N4BP1: variants seen among roughly 807,000 people sequenced by gnomAD.
N4BP1 encodes the protein NEDD4-binding protein 1.
A neutral mutation model predicts 70.9 loss-of-function variants in N4BP1; 21 were observed. The ratio of observed to expected loss-of-function variants is 0.30; its 90% CI spans 0.21 to 0.43. The LOEUF is 0.43. Among genes scored for constraint, N4BP1 ranks in the 20% least tolerant of loss-of-function variants. The probability of loss-of-function intolerance (pLI) is 1.00; values close to 1 mark genes in which losing one functional copy is unlikely to be tolerated. For synonymous variants in N4BP1, 387 were observed against 394.6 expected (o/e 0.98, Z 0.23); for missense variants, 936 against 1,069.4 (o/e 0.88, Z 1.74).
chr16:48,581,445 GA>G (rs1243379404), intron 1 of N4BP1, among the ~76,000 whole-genome samples: 4 of 151,932 alleles, frequency 2.6e-5, no homozygotes, highest in Non-Finnish European at 5.9e-5. Flanking sequence ...ATCCACACTA[GA>G]AAGAAAAAAG....
chr16:48,607,454 G>A (rs1418474740), intron 1 of N4BP1, among the ~76,000 whole-genome samples: 4 of 152,206 alleles, frequency 2.6e-5, no homozygotes, highest in African/African-American at 9.6e-5. Flanking sequence ...CAGAGGAGGA[G>A]TTTAGGCTGA....
intron 2 of N4BP1, among the ~76,000 whole-genome samples, chr16:48,558,861 AGTATT>A (rs1465506415): frequency 6.6e-6 from 1 of 152,250 alleles, no homozygotes; most frequent in Non-Finnish European, 1.5e-5. Flanking sequence ...GACAATAAAC[AGTATT>A]ATTTGGAAAT....
intron 1 of N4BP1, among the ~76,000 whole-genome samples, chr16:48,589,988 C>CT (rs1964310229): frequency 6.6e-6 from 1 of 152,238 alleles, no homozygotes; most frequent in Non-Finnish European, 1.5e-5. Context: ...ACCAGTCTGC[C>CT]TTTGAAGGAC....
At chr16:48,583,742 A>AGGTAAC (rs1964204601) in intron 1 of N4BP1, among the ~76,000 whole-genome samples, 1 of 152,230 alleles carries the variant, frequency 6.6e-6, no homozygotes, top group Non-Finnish European at 1.5e-5. Flanking sequence ...CTGGTCCCTC[A>AGGTAAC]TTTATGAGTT....
chr16:48,588,986 T>C (rs949781439), intron 1 of N4BP1, among the ~76,000 whole-genome samples: 1 of 152,168 alleles, frequency 6.6e-6, no homozygotes, highest in African/African-American at 2.4e-5. Context: ...ATGTACATCC[T>C]AGGAGAATGT....
chr16:48,598,826 G>C (rs1013788193), intron 1 of N4BP1, among the ~76,000 whole-genome samples: 1 of 152,054 alleles, frequency 6.6e-6, no homozygotes, highest in Non-Finnish European at 1.5e-5. Flanking sequence ...CCTTGATATA[G>C]GAGTCCTATG....
intron 1 of N4BP1, among the ~76,000 whole-genome samples, chr16:48,598,022 C>T (rs1181717897): frequency 6.6e-6 from 1 of 152,154 alleles, no homozygotes; most frequent in African/African-American, 2.4e-5. Context: ...ATAAAAGGCT[C>T]CCCTGAGAAG....
At chr16:48,606,217 C>T (rs1209621417) in intron 1 of N4BP1, among the ~76,000 whole-genome samples, 1 of 152,050 alleles carries the variant, frequency 6.6e-6, no homozygotes, top group Non-Finnish European at 1.5e-5. Flanking sequence ...GGCTTAAAAC[C>T]GACCCCTAAA....
intron 1 of N4BP1, among the ~76,000 whole-genome samples, chr16:48,572,135 G>A (rs561424596): frequency 6.6e-6 from 1 of 152,264 alleles, no homozygotes; most frequent in South Asian, 2.1e-4. Flanking sequence ...GGAAGTCGAG[G>A]CTGCAGTGAG....
At position 48,609,825 on chromosome 16, in the gene N4BP1, G is replaced by C. The variant is rs1214898161; in HGVS notation, c.148C>G (p.Arg50Gly). ...GCCCCGCAGAGCTGCAGCCAGATGCGCGCGGGCAGCGGCTCCTCAGCCCCT... is the reference window on the plus strand; with the variant it reads ...GCCCCGCAGAGCTGCAGCCAGATGCCCGCGGGCAGCGGCTCCTCAGCCCCT... ...ALGAEEPLPA[R>G]IWLQLCGAQE... Residue 50 changes from arginine (R) to glycine (G), a missense_variant, in exon 1 of 7, where the codon CGC (arginine) becomes GGC (glycine). This residue lies in a region of N4BP1 where 187 missense variants were observed against 217.1 expected (regional missense o/e 0.86). Transcript: ENST00000262384. 6.7e-7 allele frequency: 1 copy of C among 1,486,554 alleles called. No homozygotes were observed. Among genetic ancestry groups the C allele is most frequent in the South Asian group, 1.3e-5 (1 of 79,908 alleles). 92.1% of individuals were successfully genotyped at this position (1,486,554 alleles called of 1,614,324 possible).
At chr16:48,603,573 C>T (rs1363703662) in intron 1 of N4BP1, 1 of 152,162 alleles carries the variant, frequency 6.6e-6, no homozygotes, top group African/African-American at 2.4e-5. Context: ...TTGGTGACCC[C>T]AGCATAGCAC....
At chr16:48,554,093 C>T (rs567761261) in intron 2 of N4BP1, among the ~76,000 whole-genome samples, 6 of 151,174 alleles carry the variant, frequency 4.0e-5, no homozygotes, top group Non-Finnish European at 5.9e-5. Context: ...ACGAGAAACA[C>T]GTTGAGGGCA....
chr16:48,577,899 G>A, intron 1 of N4BP1: 1 of 156,624 alleles, frequency 6.4e-6, no homozygotes. Flanking sequence ...TGTTCCCCCA[G>A]TAACCTCTGT....
chr16:48,592,127 G>C (rs1964348883), intron 1 of N4BP1, among the ~76,000 whole-genome samples: 1 of 152,088 alleles, frequency 6.6e-6, no homozygotes, highest in South Asian at 2.1e-4. Flanking sequence ...ATGGGGGATG[G>C]GCTAATTACA....
chr16:48,603,238 G>C (rs1964529984), intron 1 of N4BP1, among the ~76,000 whole-genome samples: 1 of 152,036 alleles, frequency 6.6e-6, no homozygotes, highest in South Asian at 2.1e-4. Flanking sequence ...AAATGGACTG[G>C]GTGGTAGCCT....
At position 48,545,407 on chromosome 16, in the gene N4BP1, T is replaced by TA. The variant is rs113024280; in HGVS notation, c.2333+739dup. On this transcript the variant is annotated intron_variant, in intron 6 of 6. Coordinates refer to ENST00000262384, the MANE Select transcript of N4BP1 (RefSeq NM_153029.4). ...TAACATGGCAAAATCCCGTTTCTGC[T>TA]AAAAAAAAAAAATACAAAAAATTAG... Among the ~76,000 whole-genome samples, 103 of 145,078 alleles carry TA rather than the reference T, an allele frequency of 7.1e-4. 1 individual carries two copies. The highest frequency in any genetic ancestry group is 3.5e-3 in the Middle Eastern group (1 of 282).
At chr16:48,594,001 C>CA (rs750355255) in intron 1 of N4BP1, among the ~76,000 whole-genome samples, 3,885 of 41,324 alleles carry the variant, frequency 0.094, 286 homozygotes, top group African/African-American at 0.21. Context: ...GACTCCGTCT[C>CA]AAAAAAAAAA....
chr16:48,590,168 C>G (rs1006664932), intron 1 of N4BP1, among the ~76,000 whole-genome samples: 2 of 152,100 alleles, frequency 1.3e-5, no homozygotes, highest in Non-Finnish European at 2.9e-5. Context: ...TCAGCTGACA[C>G]CACCCAGATC....
chr16:48,596,538 G>A (rs1293495020), intron 1 of N4BP1, among the ~76,000 whole-genome samples: 2 of 152,168 alleles, frequency 1.3e-5, no homozygotes, highest in Admixed American at 6.6e-5. Context: ...ATAAGGTGCT[G>A]TTAAACCCAA....
Sources: gnomAD v4.1 joint callset for allele counts (sites outside exome capture counted in the v4.1 genomes callset) on GRCh38, gnomAD v4.1.1 for gene constraint, gnomAD v4.1.1 regional missense constraint, MANE v1.5 for transcripts, NCBI Gene and HGNC (gene_info 2026-07-23, HGNC 2026-07-21) for gene names.